GSE1: variants seen among roughly 807,000 people sequenced by gnomAD.
GSE1 encodes Gse1 coiled-coil protein, also known as genetic suppressor element 1.
In GSE1, 32 loss-of-function variants were observed where a neutral mutation model predicts 112.6. That is an observed-to-expected ratio of 0.28 (90% CI 0.21 to 0.38). GSE1 has a LOEUF of 0.38. GSE1 is among the 10% of genes least tolerant of loss of function. GSE1 has a pLI of 1.00. For missense variants in GSE1, 2,348 were observed against 1,699.2 expected (o/e 1.38, Z -6.71); for synonymous variants, 1,115 against 735.6 (o/e 1.52, Z -8.35).
intron 14 of GSE1, among the ~76,000 whole-genome samples, 190 bp downstream of exon 14, chr16:85,668,614 G>A (rs893884763): frequency 6.6e-6 from 1 of 152,192 alleles, no homozygotes; most frequent in African/African-American, 2.4e-5. Flanking sequence ...GGAACCTGAG[G>A]CCAGTCTTGC....
chr16:85,269,961 T>A (rs1908666626), intron 1 of GSE1, among the ~76,000 whole-genome samples: 1 of 149,556 alleles, frequency 6.7e-6, no homozygotes. Context: ...GAGCCCGTGT[T>A]GCAGGTTTGA....
chr16:85,327,589 C>T (rs189653932), intron 1 of GSE1, among the ~76,000 whole-genome samples: 168 of 152,220 alleles, frequency 1.1e-3, no homozygotes, highest in African/African-American at 3.9e-3. Flanking sequence ...GGCAACAGAG[C>T]GAGACTCTGT....
intron 2 of GSE1, among the ~76,000 whole-genome samples, chr16:85,384,839 G>A (rs1474451108): frequency 1.3e-5 from 2 of 152,196 alleles, no homozygotes; most frequent in Non-Finnish European, 2.9e-5. Context: ...CACAGGAGGG[G>A]ACAGAGCAGG....
At chr16:85,648,497 C>A in intron 2 of GSE1, 55 bp from the exon 3 acceptor site, 1 of 903,560 alleles carries the variant, frequency 1.1e-6, no homozygotes, top group Non-Finnish European at 1.7e-6. Flanking sequence ...CCAGCTGGCA[C>A]TGCACGTGGC....
intron 2 of GSE1, among the ~76,000 whole-genome samples, chr16:85,637,251 CAT>C (rs530744984): frequency 7.2e-5 from 11 of 152,364 alleles, no homozygotes; most frequent in African/African-American, 2.6e-4. Flanking sequence ...ATTTTGTACA[CAT>C]GGGCTGGCGC....
chr16:85,622,862 C>CT (rs550854490), intron 1 of GSE1, among the ~76,000 whole-genome samples: 143 of 152,232 alleles, frequency 9.4e-4, no homozygotes, highest in Non-Finnish European at 1.8e-3. Context: ...AGTGTCTGTG[C>CT]TGAGGGTTGC....
intron 4 of GSE1, 45 bp from the exon 5 acceptor site, chr16:85,654,749 T>G: frequency 8.2e-7 from 1 of 1,226,074 alleles, no homozygotes; most frequent in Non-Finnish European, 1.2e-6. Flanking sequence ...CAGGAGCAGG[T>G]GTGCACTCAC....
chr16:85,292,328 GT>G (rs57225210), intron 1 of GSE1, among the ~76,000 whole-genome samples: 11 of 140,640 alleles, frequency 7.8e-5, no homozygotes, highest in African/African-American at 1.1e-4. Flanking sequence ...TTTTGTTTTT[GT>G]TTTTTTTTTT....
intron 2 of GSE1, among the ~76,000 whole-genome samples, chr16:85,493,890 C>T (rs906625382): frequency 2.6e-5 from 4 of 151,232 alleles, no homozygotes; most frequent in African/African-American, 4.9e-5. Flanking sequence ...AACCAGCCTG[C>T]GCAATATAAG....
Position 85,212,984 on chromosome 16 carries a change from C to T in GSE1, c.2283+41177C>T, listed in dbSNP as rs114467963. ...CTCTACAAAATATTTAAAAGTTAGCCAGGCTGCCGGATGTGGTGGCTCACT... is the reference window on the plus strand; with the variant it reads ...CTCTACAAAATATTTAAAAGTTAGCTAGGCTGCCGGATGTGGTGGCTCACT... On this transcript the variant is annotated intron_variant, in intron 1 of 2. Transcript: ENST00000637419. Among the ~76,000 whole-genome samples, 1,497 of 152,178 alleles carry T rather than the reference C, an allele frequency of 9.8e-3. 19 individuals carry two copies. Among genetic ancestry groups the T allele is most frequent in the African/African-American group, 0.034 (1,406 of 41,530 alleles).
chr16:85,628,048 G>T (rs2049228302), intron 1 of GSE1, among the ~76,000 whole-genome samples: 1 of 152,204 alleles, frequency 6.6e-6, no homozygotes, highest in East Asian at 1.9e-4. Flanking sequence ...GGAGGCACGT[G>T]GGCCCTGGAG....
intron 1 of GSE1, among the ~76,000 whole-genome samples, chr16:85,575,371 C>T (rs1301985573): frequency 6.6e-6 from 1 of 152,072 alleles, no homozygotes; most frequent in Non-Finnish European, 1.5e-5. Context: ...ATCCTGGTTC[C>T]GGAGATTATT....
intron 1 of GSE1, among the ~76,000 whole-genome samples, chr16:85,182,359 C>G (rs1216926725): frequency 6.6e-6 from 1 of 152,204 alleles, no homozygotes; most frequent in African/African-American, 2.4e-5. Context: ...TGGGAGGAGG[C>G]TCGGGCCTGG....
intron 2 of GSE1, among the ~76,000 whole-genome samples, chr16:85,409,215 C>CT (rs1481327630): frequency 2.4e-4 from 8 of 32,734 alleles, no homozygotes; most frequent in Non-Finnish European, 4.0e-4. Context: ...CAGGGCCCCC[C>CT]GGATAATCCT....
intron 1 of GSE1, among the ~76,000 whole-genome samples, chr16:85,228,442 G>C (rs532460912): frequency 6.6e-5 from 10 of 152,312 alleles, no homozygotes; most frequent in Admixed American, 5.9e-4. Context: ...GAAGGCCCAG[G>C]CTTCCAGGTC....
rs1266713637 is a variant in GSE1, at chr16:85,476,882, AG to A, written c.2464+119241del. On this transcript the variant is annotated intron_variant, in intron 2 of 2. Transcript: ENST00000637419. Reference sequence around the variant, plus strand: ...CTCACCTTGGCCTTCCAAAGTGTCGAGGCTACAGGTGTGAGCTACCATGCCT... The same window carrying A: ...CTCACCTTGGCCTTCCAAAGTGTCGAGCTACAGGTGTGAGCTACCATGCCT... Among the ~76,000 whole-genome samples, 40 of 145,182 alleles carry A rather than the reference AG, an allele frequency of 2.8e-4. No individual in the cohort carries two copies. In the South Asian group the frequency reaches 8.6e-3, roughly 31 times the overall value.
rs544480682 is a variant in GSE1, at chr16:85,486,229, G to A, written c.2464+128586G>A. Among the ~76,000 whole-genome samples, 97 of 152,020 alleles carry A rather than the reference G, an allele frequency of 6.4e-4. 1 individual carries two copies. Among genetic ancestry groups the A allele is most frequent in the African/African-American group, 2.3e-3 (96 of 41,452 alleles). On this transcript the variant is annotated intron_variant, in intron 2 of 2. Transcript: ENST00000637419. ...TTCTCTCTGTACTCACACATAACACGCTTGCACACTCACACACTCATTCAC... is the reference window on the plus strand; with the variant it reads ...TTCTCTCTGTACTCACACATAACACACTTGCACACTCACACACTCATTCAC...
chr16:85,492,204 C>A (rs969381460), intron 2 of GSE1, among the ~76,000 whole-genome samples: 1 of 152,156 alleles, frequency 6.6e-6, no homozygotes, highest in South Asian at 2.1e-4. Flanking sequence ...TGATGGTGAG[C>A]GTGTTTGATC....
chr16:85,609,476 C>T (rs1035749093), upstream of GSE1, among the ~76,000 whole-genome samples: 1 of 152,320 alleles, frequency 6.6e-6, no homozygotes, highest in African/African-American at 2.4e-5. Context: ...AAGTGTGAAA[C>T]ACAGCCCAGG....
Sources: allele counts gnomAD v4.1 joint callset (sites outside exome capture counted in the v4.1 genomes callset), GRCh38; gene constraint gnomAD v4.1.1; transcripts MANE v1.5; gene names NCBI Gene and HGNC (gene_info 2026-07-23, HGNC 2026-07-21).